Variants in ARHGAP8 observed in about 807,000 individuals in gnomAD.
The protein encoded by ARHGAP8 is rho GTPase-activating protein 8.
Under a neutral mutation model 46.1 loss-of-function variants are expected in ARHGAP8, and 62 were observed. The observed-to-expected ratio is 1.34, with a 90% CI of 1.10 to 1.66. The LOEUF (loss-of-function observed/expected upper bound fraction) is 1.66. Ranked by LOEUF, ARHGAP8 falls within the 40% of genes most tolerant of loss-of-function variation. The probability of loss-of-function intolerance (pLI) is 0.00; values close to 1 mark genes in which losing one functional copy is unlikely to be tolerated. For synonymous variants in ARHGAP8, 375 were observed against 243.1 expected (o/e 1.54, Z -5.05); for missense variants, 923 against 568.4 (o/e 1.62, Z -6.34).
chr22:44,779,153 G>A (rs1216559552), intron 1 of ARHGAP8, among the ~76,000 whole-genome samples: 1 of 148,366 alleles, frequency 6.7e-6, no homozygotes, highest in African/African-American at 2.5e-5. Flanking sequence ...AGGCTGGAGT[G>A]CAGTGGCGCG....
intron 11 of ARHGAP8, among the ~76,000 whole-genome samples, chr22:44,860,090 A>C (rs971686153): frequency 1.3e-5 from 2 of 152,128 alleles, no homozygotes; most frequent in African/African-American, 2.4e-5. Context: ...AGCCATTGCC[A>C]GTGACTTTTG....
intron 7 of ARHGAP8, 151 bp from the exon 8 acceptor site, chr22:44,845,118 A>T: frequency 1.2e-6 from 1 of 851,198 alleles, no homozygotes; most frequent in Non-Finnish European, 1.8e-6. Flanking sequence ...CAGACTTTCT[A>T]CTTCCTGAGG....
At chr22:44,788,502 C>T (rs561706020) in intron 2 of ARHGAP8, among the ~76,000 whole-genome samples, 20 of 152,062 alleles carry the variant, frequency 1.3e-4, no homozygotes, top group Middle Eastern at 6.8e-3. Context: ...CTCACCCTCC[C>T]AAGTGCAAGT....
chr22:44,792,661 C>G (rs1490679200), intron 2 of ARHGAP8, among the ~76,000 whole-genome samples: 1 of 152,132 alleles, frequency 6.6e-6, no homozygotes, highest in African/African-American at 2.4e-5. Flanking sequence ...GCTGCTTCCC[C>G]CATGACCAAC....
chr22:44,767,524 T>C (rs1401419489), intron 1 of ARHGAP8, among the ~76,000 whole-genome samples: 5 of 152,098 alleles, frequency 3.3e-5, no homozygotes, highest in African/African-American at 9.7e-5. Context: ...CACATTCAAA[T>C]CCCGCAGTTG....
At chr22:44,809,280 T>G (rs766986985) in intron 4 of ARHGAP8, 1 of 427,060 alleles carries the variant, frequency 2.3e-6, no homozygotes, top group South Asian at 1.7e-5. Flanking sequence ...ATTCTTCTGT[T>G]TTTTTTTTTC....
chr22:44,861,974 C>T (rs1368658977), intron 11 of ARHGAP8, among the ~76,000 whole-genome samples: 2 of 152,212 alleles, frequency 1.3e-5, no homozygotes, highest in Non-Finnish European at 2.9e-5. Flanking sequence ...AGCCCATCCC[C>T]AAGATTGCAT....
intron 4 of ARHGAP8, among the ~76,000 whole-genome samples, chr22:44,810,131 C>A (rs564573962): frequency 6.6e-6 from 1 of 152,056 alleles, no homozygotes; most frequent in Non-Finnish European, 1.5e-5. Context: ...CCAATCCTAG[C>A]TAGCACTTAG....
chr22:44,854,394 A>G (rs1207081322), intron 10 of ARHGAP8, among the ~76,000 whole-genome samples: 1 of 151,028 alleles, frequency 6.6e-6, no homozygotes, highest in Non-Finnish European at 1.5e-5. Context: ...GCGCCGCCAC[A>G]CCCAGCTAAT....
At chr22:44,783,621 G>A (rs897546154) in intron 1 of ARHGAP8, among the ~76,000 whole-genome samples, 3 of 152,100 alleles carry the variant, frequency 2.0e-5, no homozygotes, top group South Asian at 2.1e-4. Flanking sequence ...CACTAGAACC[G>A]GCATCCCTGA....
intron 5 of ARHGAP8, among the ~76,000 whole-genome samples, chr22:44,815,938 G>C (rs1241412644): frequency 1.3e-5 from 2 of 152,186 alleles, no homozygotes; most frequent in Non-Finnish European, 2.9e-5. Context: ...CGAGGGAGGG[G>C]CTCAGAGCAG....
intron 1 of ARHGAP8, among the ~76,000 whole-genome samples, chr22:44,764,489 C>T (rs1192432496): frequency 6.6e-6 from 1 of 152,300 alleles, no homozygotes; most frequent in East Asian, 1.9e-4. Flanking sequence ...GGTGGTTCTT[C>T]CTGCTCACGT....
chr22:44,846,147 C>A (rs550901946), intron 8 of ARHGAP8, among the ~76,000 whole-genome samples: 1 of 152,220 alleles, frequency 6.6e-6, no homozygotes, highest in South Asian at 2.1e-4. Flanking sequence ...TGCCCACGGA[C>A]TCAGCACCGT....
At position 44,862,266 on chromosome 22, in the gene ARHGAP8, T is replaced by TTCCTCC; in HGVS notation, c.982-8_982-3dup. On this transcript the variant is annotated splice_polypyrimidine_tract_variant and intron_variant, in intron 11 of 11. Coordinates refer to ENST00000356099, the MANE Select transcript of ARHGAP8 (RefSeq NM_181335.3). ...TCACTCCCCTTTACTTGTGTGTGGT[T>TTCCTCC]TCCTCCAGGTGTCCCGGGAGAGCAT... 1 of 1,580,050 alleles carries TTCCTCC rather than the reference T, an allele frequency of 6.3e-7. No homozygotes were observed.
chr22:44,788,577 A>G (rs1927446955), intron 2 of ARHGAP8, among the ~76,000 whole-genome samples: 1 of 151,898 alleles, frequency 6.6e-6, no homozygotes, highest in Non-Finnish European at 1.5e-5. Context: ...TATCTTTAGT[A>G]GAGACAGGGT....
rs78610026 is a variant in ARHGAP8 at position 44,802,226 on chromosome 22, T to C, written c.167+62T>C. On this transcript the variant is annotated intron_variant, in intron 3 of 11. Coordinates refer to ENST00000356099, the MANE Select transcript of ARHGAP8 (RefSeq NM_181335.3). ...CTCCATGTTGCTTGTCCCCATCCCTTCACCCCACCTCACTCTGAGTCATCT... is the reference window on the plus strand; with the variant it reads ...CTCCATGTTGCTTGTCCCCATCCCTCCACCCCACCTCACTCTGAGTCATCT... The C allele has an allele frequency of 4.0e-3, 6,282 of 1,585,194 alleles. 246 individuals are homozygous for C. The African/African-American group carries it at 0.076, about 19-fold the overall frequency.
intron 1 of ARHGAP8, among the ~76,000 whole-genome samples, chr22:44,754,930 G>C (rs6007276): frequency 0.22 from 33,504 of 151,994 alleles, 4,107 homozygotes; most frequent in South Asian, 0.46. Context: ...ATGAGGGTGA[G>C]AAAGAGATGG....
At chr22:44,806,971 AAAG>A (rs1160849335) in intron 3 of ARHGAP8, among the ~76,000 whole-genome samples, 12 of 151,468 alleles carry the variant, frequency 7.9e-5, no homozygotes, top group East Asian at 7.8e-4. Flanking sequence ...AAAAAAAAAA[AAAG>A]AAATCAAACG....
intron 10 of ARHGAP8, among the ~76,000 whole-genome samples, chr22:44,854,433 A>C (rs890245717): frequency 6.6e-6 from 1 of 151,754 alleles, no homozygotes; most frequent in East Asian, 1.9e-4. Flanking sequence ...GGGCTTCACC[A>C]TGTTGCCCAG....
Sources: allele counts gnomAD v4.1 joint callset (sites outside exome capture counted in the v4.1 genomes callset), GRCh38; gene constraint gnomAD v4.1.1; transcripts MANE v1.5; gene names NCBI Gene and HGNC (gene_info 2026-07-23, HGNC 2026-07-21).